TENM3: variants seen among roughly 807,000 people sequenced by gnomAD.
The protein encoded by TENM3 is teneurin transmembrane protein 3, also known as teneurin-3.
Under a neutral mutation model 255.1 loss-of-function variants are expected in TENM3, and 63 were observed. That is an observed-to-expected ratio of 0.25 (90% CI 0.20 to 0.30). The LOEUF (loss-of-function observed/expected upper bound fraction) is 0.30. TENM3 is among the 10% of genes least tolerant of loss of function. TENM3 has a pLI of 1.00. For missense variants in TENM3, 2,929 were observed against 3,461.1 expected (o/e 0.85, Z 3.86); for synonymous variants, 1,306 against 1,322.3 (o/e 0.99, Z 0.27).
chr4:182,233,351 C>G (rs1756697130), intron 1 of TENM3, among the ~76,000 whole-genome samples: 1 of 152,240 alleles, frequency 6.6e-6, no homozygotes, highest in Non-Finnish European at 1.5e-5. Flanking sequence ...AGGCAAACCA[C>G]CCTGTGTGCA....
intron 3 of TENM3, among the ~76,000 whole-genome samples, chr4:182,597,903 G>C (rs1443352749): frequency 6.6e-6 from 1 of 152,216 alleles, no homozygotes; most frequent in Non-Finnish European, 1.5e-5. Flanking sequence ...GTCCAGGCCA[G>C]GCACAGTGGC....
chr4:181,830,249 T>C, the TENM3 span, among the ~76,000 whole-genome samples: 2 of 152,126 alleles, frequency 1.3e-5, no homozygotes, highest in Non-Finnish European at 2.9e-5. Flanking sequence ...TGCTTGCTGC[T>C]GCTGCTTTTT....
At chr4:182,282,254 C>T (rs1760433506) in intron 1 of TENM3, among the ~76,000 whole-genome samples, 2 of 152,160 alleles carry the variant, frequency 1.3e-5, no homozygotes, top group East Asian at 1.9e-4. Context: ...CAACCCCAAA[C>T]ATTAGGAGGG....
At chr4:181,516,616 A>C in the TENM3 span, among the ~76,000 whole-genome samples, 1 of 152,046 alleles carries the variant, frequency 6.6e-6, no homozygotes, top group Non-Finnish European at 1.5e-5. Context: ...CCCCATCCCC[A>C]AAATACAAAA....
intron 3 of TENM3, among the ~76,000 whole-genome samples, chr4:182,405,243 C>G (rs1769479072): frequency 6.6e-6 from 1 of 152,194 alleles, no homozygotes; most frequent in Non-Finnish European, 1.5e-5. Flanking sequence ...CCCTCACCTC[C>G]CCGCTACAAT....
the TENM3 span, among the ~76,000 whole-genome samples, chr4:181,914,084 CAA>C: frequency 2.0e-5 from 3 of 152,148 alleles, no homozygotes; most frequent in Non-Finnish European, 2.9e-5. Context: ...TCTTTCTACC[CAA>C]AGTTATCTTT....
At chr4:182,305,009 A>G (rs1762056024) in intron 1 of TENM3, among the ~76,000 whole-genome samples, 1 of 149,910 alleles carries the variant, frequency 6.7e-6, no homozygotes, top group African/African-American at 2.5e-5. Flanking sequence ...CTCTCTTTTT[A>G]TTCCTGTAGC....
At chr4:182,164,566 C>T (rs905283194) in intron 1 of TENM3, among the ~76,000 whole-genome samples, 3 of 152,134 alleles carry the variant, frequency 2.0e-5, no homozygotes, top group Admixed American at 1.3e-4. Context: ...CTTTTAAGAA[C>T]GCAAAGAGGA....
chr4:182,741,568 C>G (rs547607786), intron 18 of TENM3, among the ~76,000 whole-genome samples: 1 of 152,292 alleles, frequency 6.6e-6, no homozygotes, highest in Non-Finnish European at 1.5e-5. Flanking sequence ...TAGGATTCTT[C>G]TGATGAAAAT....
chr4:182,373,265 C>T (rs535903145), intron 3 of TENM3, among the ~76,000 whole-genome samples: 3 of 152,288 alleles, frequency 2.0e-5, no homozygotes, highest in African/African-American at 4.8e-5. Flanking sequence ...CTGGCTGCAG[C>T]GTTCATGTGA....
the TENM3 span, among the ~76,000 whole-genome samples, chr4:181,501,236 G>A: frequency 6.6e-6 from 1 of 152,124 alleles, no homozygotes; most frequent in Non-Finnish European, 1.5e-5. Context: ...CCAGCTGGAT[G>A]ACTTGAGGAC....
At chr4:182,718,252 A>G (rs1163894111) in intron 13 of TENM3, among the ~76,000 whole-genome samples, 1 of 146,440 alleles carries the variant, frequency 6.8e-6, no homozygotes, top group Non-Finnish European at 1.5e-5. Flanking sequence ...TGATGACACC[A>G]GAAACTTAGG....
chr4:182,679,550 CT>C, intron 7 of TENM3, 115 bp from the exon 8 acceptor site: 3 of 834,738 alleles, frequency 3.6e-6, no homozygotes, highest in Non-Finnish European at 5.6e-6. Flanking sequence ...CTGTCAGGAA[CT>C]TCTTTCTAAC....
chr4:182,433,180 G>C (rs1031825948), intron 3 of TENM3, among the ~76,000 whole-genome samples: 1 of 152,136 alleles, frequency 6.6e-6, no homozygotes, highest in Admixed American at 6.5e-5. Context: ...GATAGATTTC[G>C]CATGGTGAGT....
chr4:182,190,912 A>G (rs1753478843), intron 1 of TENM3, among the ~76,000 whole-genome samples: 1 of 152,140 alleles, frequency 6.6e-6, no homozygotes, highest in African/African-American at 2.4e-5. Context: ...TGATATTGGT[A>G]TAGGTCCAAA....
intron 3 of TENM3, among the ~76,000 whole-genome samples, chr4:182,468,824 T>TTGTGTG (rs66517986): frequency 0.021 from 3,074 of 143,806 alleles, 80 homozygotes; most frequent in East Asian, 0.044. Flanking sequence ...TCCTGTGTGC[T>TTGTGTG]TGTGTGTGTG....
chr4:181,579,583 T>C, the TENM3 span, among the ~76,000 whole-genome samples: 2 of 152,200 alleles, frequency 1.3e-5, no homozygotes, highest in African/African-American at 4.8e-5. Flanking sequence ...TTAGTGAATC[T>C]TTTATAACTA....
chr4:181,533,977 T>A, the TENM3 span, among the ~76,000 whole-genome samples: 199 of 152,318 alleles, frequency 1.3e-3, no homozygotes, highest in African/African-American at 4.5e-3. Context: ...TGCAATTGGA[T>A]CTCAGTGAAT....
At chr4:182,414,416 GAAGAACTCT>G (rs1232778977) in intron 3 of TENM3, among the ~76,000 whole-genome samples, 1 of 152,094 alleles carries the variant, frequency 6.6e-6, no homozygotes, top group Non-Finnish European at 1.5e-5. Flanking sequence ...TCTTTTAAAA[GAAGAACTCT>G]AAGTGAAATC....
Sources: allele counts gnomAD v4.1 joint callset (sites outside exome capture counted in the v4.1 genomes callset), GRCh38; gene constraint gnomAD v4.1.1; transcripts MANE v1.5; gene names NCBI Gene and HGNC (gene_info 2026-07-23, HGNC 2026-07-21).